WDR49: variants seen among roughly 807,000 people sequenced by gnomAD.
WDR49 encodes the protein WD repeat domain 49.
A neutral mutation model predicts 119.5 loss-of-function variants in WDR49; 107 were observed. The ratio of observed to expected loss-of-function variants is 0.90; its 90% confidence interval spans 0.77 to 1.05. WDR49 has a LOEUF of 1.05. Ranked by LOEUF, WDR49 falls within the 50% of genes least tolerant of loss-of-function variation. The pLI, the probability that WDR49 is intolerant of heterozygous loss-of-function variation, is 0.00. For synonymous variants in WDR49, 425 were observed against 418.8 expected, an observed-to-expected ratio of 1.01 and a Z score of -0.18; for missense variants, 1,240 against 1,220.5, an observed-to-expected ratio of 1.02 and a Z score of -0.24.
intron 5 of WDR49, among the ~76,000 whole-genome samples, chr3:167,616,585 G>T (rs527827878): frequency 6.6e-6 from 1 of 151,810 alleles, no homozygotes; most frequent in Non-Finnish European, 1.5e-5. Flanking sequence ...GAAAATGTGG[G>T]ACAGAATTCT....
In WDR49 at chr3:167,491,039, A is replaced by G. The variant is rs1368821464; in HGVS notation, c.3031+9114T>C. Among the ~76,000 whole-genome samples the G allele has an allele frequency of 2.6e-5, 4 of 152,044 alleles. No individual in the cohort carries two copies. The South Asian group carries it at 6.2e-4, about 24-fold the overall frequency. ...TTAAAACCTGACATCCCAGATCCCT[A>G]TACAGACTTTTGGTTGCCTTGCAGC... On this transcript the variant is annotated intron_variant, in intron 18 of 18. Transcript: ENST00000682715.
At chr3:167,515,379 A>C (rs1276850529) in intron 16 of WDR49, among the ~76,000 whole-genome samples, 2 of 152,198 alleles carry the variant, frequency 1.3e-5, no homozygotes, top group East Asian at 1.9e-4. Context: ...AAAACTAAGA[A>C]CAAAAACCAC....
At chr3:167,533,956 G>A (rs890016891) in intron 11 of WDR49, among the ~76,000 whole-genome samples, 27 of 152,078 alleles carry the variant, frequency 1.8e-4, no homozygotes, top group African/African-American at 6.0e-4. Flanking sequence ...TTGGGAGGCC[G>A]AGGTGGGCAG....
intron 16 of WDR49, among the ~76,000 whole-genome samples, chr3:167,509,393 C>A (rs940544015): frequency 2.6e-5 from 4 of 152,058 alleles, no homozygotes; most frequent in Non-Finnish European, 1.5e-5. Flanking sequence ...CTTAAAGATG[C>A]CATAGGAGTT....
chr3:167,512,547 C>T (rs1752019937), intron 16 of WDR49, among the ~76,000 whole-genome samples: 1 of 152,120 alleles, frequency 6.6e-6, no homozygotes, highest in African/African-American at 2.4e-5. Context: ...AGCTGGGGTG[C>T]CTCTTCTATT....
intron 15 of WDR49, among the ~76,000 whole-genome samples, chr3:167,525,487 C>A (rs1228125589): frequency 6.6e-6 from 1 of 151,914 alleles, no homozygotes; most frequent in Non-Finnish European, 1.5e-5. Flanking sequence ...ATGTGGGCAA[C>A]TAAATCAAAT....
intron 8 of WDR49, among the ~76,000 whole-genome samples, chr3:167,571,457 A>G (rs897848411): frequency 2.0e-5 from 3 of 152,176 alleles, no homozygotes; most frequent in Admixed American, 2.0e-4. Context: ...ACTCCTAAGA[A>G]TTTACCTTGA....
intron 2 of WDR49, among the ~76,000 whole-genome samples, chr3:167,646,277 C>T (rs982209444): frequency 2.6e-5 from 4 of 152,134 alleles, no homozygotes; most frequent in African/African-American, 9.7e-5. Context: ...CCATTCTTTA[C>T]AGTCCTAGGA....
intron 7 of WDR49, among the ~76,000 whole-genome samples, chr3:167,586,886 A>T (rs1212537262): frequency 6.6e-6 from 1 of 152,158 alleles, no homozygotes; most frequent in East Asian, 1.9e-4. Context: ...GACTCTAAAG[A>T]CATTTTTTCA....
chr3:167,627,142 G>C lies in WDR49; in HGVS notation c.316C>G (p.Leu106Val). 1 of 1,262,936 alleles carries C rather than the reference G, an allele frequency of 7.9e-7. No individual in the cohort carries two copies. Among genetic ancestry groups the C allele is most frequent in the Non-Finnish European group, 1.0e-6 (1 of 1,004,566 alleles). 78.2% of individuals were successfully genotyped at this position (1,262,936 alleles called of 1,614,324 possible). ...AGCTCTAGCAGTATAAATGAAGTCA[G>C]CTTGTCCCAATTAATGAAGCCATCT... ...AQDGFINWDKLTSFILLELYE... is the reference protein window; with the variant it reads ...AQDGFINWDKVTSFILLELYE... Residue 106 changes from leucine to valine, a missense_variant, in exon 3 of 19, where the codon CTG becomes GTG. Coordinates refer to ENST00000682715, the MANE Select transcript of WDR49 (RefSeq NM_001366157.1).
intron 10 of WDR49, among the ~76,000 whole-genome samples, chr3:167,549,306 C>T (rs1390578111): frequency 1.3e-5 from 2 of 152,164 alleles, no homozygotes; most frequent in Non-Finnish European, 2.9e-5. Flanking sequence ...TACAGTCCCA[C>T]CAACAGTGTA....
At chr3:167,570,742 T>C (rs1713885660) in intron 8 of WDR49, among the ~76,000 whole-genome samples, 1 of 152,142 alleles carries the variant, frequency 6.6e-6, no homozygotes. Context: ...AAAGCTGCAA[T>C]TAAATGATGA....
chr3:167,559,026 A>G (rs897557336), intron 9 of WDR49, among the ~76,000 whole-genome samples: 3 of 152,092 alleles, frequency 2.0e-5, no homozygotes, highest in Non-Finnish European at 4.4e-5. Flanking sequence ...CTTAAACCCA[A>G]ATCTCCAGTC....
chr3:167,568,315 C>T (rs1713727476), intron 8 of WDR49, among the ~76,000 whole-genome samples: 1 of 152,108 alleles, frequency 6.6e-6, no homozygotes. Context: ...GCATTAAATT[C>T]CCCAGCTTTA....
intron 8 of WDR49, among the ~76,000 whole-genome samples, chr3:167,570,700 T>C (rs1713884612): frequency 6.6e-6 from 1 of 152,182 alleles, no homozygotes; most frequent in African/African-American, 2.4e-5. Flanking sequence ...ACCTTTGGTA[T>C]ATTTTTATAT....
At chr3:167,529,299 C>T in intron 13 of WDR49, 60 bp from the exon 14 acceptor site, 1 of 1,447,872 alleles carries the variant, frequency 6.9e-7, no homozygotes, top group Non-Finnish European at 9.2e-7. Flanking sequence ...GAAATAACTT[C>T]TTCAGTGGCT....
At chr3:167,602,576 G>A (rs1715829176) in intron 6 of WDR49, among the ~76,000 whole-genome samples, 1 of 151,958 alleles carries the variant, frequency 6.6e-6, no homozygotes, top group Non-Finnish European at 1.5e-5. Flanking sequence ...CTAACCAGGA[G>A]GGGACAGAAT....
chr3:167,571,604 A>G (rs113524716), intron 8 of WDR49, among the ~76,000 whole-genome samples: 7,969 of 152,306 alleles, frequency 0.052, 249 homozygotes, highest in Middle Eastern at 0.11. Context: ...AAAATGATAA[A>G]GTAGTTCTAC....
intron 15 of WDR49, among the ~76,000 whole-genome samples, chr3:167,525,406 C>T (rs568421796): frequency 6.6e-6 from 1 of 152,072 alleles, no homozygotes; most frequent in Non-Finnish European, 1.5e-5. Flanking sequence ...ATTTCTTTCT[C>T]TTGCCTGATT....
Sources: gnomAD v4.1 joint callset for allele counts (sites outside exome capture counted in the v4.1 genomes callset) on GRCh38, gnomAD v4.1.1 for gene constraint, MANE v1.5 for transcripts, NCBI Gene and HGNC (gene_info 2026-07-23, HGNC 2026-07-21) for gene names.